Variants in SOS2 observed in about 807,000 individuals in gnomAD.
SOS2 encodes son of sevenless homolog 2.
Under a neutral mutation model 148.2 loss-of-function variants are expected in SOS2, and 65 were observed. The observed-to-expected ratio is 0.44, with a 90% CI of 0.36 to 0.54. The LOEUF (loss-of-function observed/expected upper bound fraction) is 0.54. Among genes scored for constraint, SOS2 ranks in the 20% least tolerant of loss-of-function variants. The pLI is 0.00. For synonymous variants in SOS2, 539 were observed against 537.1 expected, an observed-to-expected ratio of 1.00 and a Z score of -0.05; for missense variants, 1,341 against 1,590.2, an observed-to-expected ratio of 0.84 and a Z score of 2.67.
chr14:50,228,129 C>T (rs987188787), intron 1 of SOS2, among the ~76,000 whole-genome samples: 1 of 150,090 alleles, frequency 6.7e-6, no homozygotes, highest in Admixed American at 6.6e-5. Context: ...GCAACCTCTG[C>T]CTAGCAGGTT....
chr14:50,204,904 CT>C (rs386381336), intron 1 of SOS2, among the ~76,000 whole-genome samples: 3 of 144,220 alleles, frequency 2.1e-5, no homozygotes, highest in Non-Finnish European at 3.1e-5. Flanking sequence ...TTTTTTCTTT[CT>C]TTTTTTTTTT....
chr14:50,143,329 GAAAA>G (rs11455809), intron 16 of SOS2, among the ~76,000 whole-genome samples: 2 of 126,776 alleles, frequency 1.6e-5, no homozygotes, highest in African/African-American at 3.0e-5. Context: ...GACTCTTTAG[GAAAA>G]AAAAAAAAAA....
intron 1 of SOS2, among the ~76,000 whole-genome samples, chr14:50,223,456 C>T (rs1001155838): frequency 5.3e-5 from 8 of 151,990 alleles, no homozygotes; most frequent in Admixed American, 2.0e-4. Flanking sequence ...GGGCAGGTGA[C>T]GAGGTCAACA....
At chr14:50,181,388 C>T (rs569945451) in intron 6 of SOS2, among the ~76,000 whole-genome samples, 206 of 150,296 alleles carry the variant, frequency 1.4e-3, no homozygotes, top group African/African-American at 3.8e-3. Flanking sequence ...GCAGAGGTTG[C>T]AGTAAGACGA....
Position 50,199,653 on chromosome 14 carries a change from G to A in SOS2, c.510+38C>T. The A allele has an allele frequency of 3.2e-6, 4 of 1,242,914 alleles. No individual in the cohort carries two copies. The Middle Eastern group carries it at 5.8e-4, about 180-fold the overall frequency. 77.0% of individuals were successfully genotyped at this position (1,242,914 alleles called of 1,614,324 possible). ...GATTGAGGCAGAAATTAGTATAGTT[G>A]CTATTCAAGTTAAATTTAAATACCT... On this transcript the variant is annotated intron_variant, in intron 4 of 22. Coordinates refer to ENST00000216373, the MANE Select transcript of SOS2 (RefSeq NM_006939.4).
At chr14:50,209,577 G>A (rs1464624887) in intron 1 of SOS2, among the ~76,000 whole-genome samples, 1 of 151,790 alleles carries the variant, frequency 6.6e-6, no homozygotes, top group Admixed American at 6.6e-5. Flanking sequence ...GACCAGTCTG[G>A]GCAACACGGT....
At chr14:50,169,631 C>T (rs1885293681) in intron 8 of SOS2, among the ~76,000 whole-genome samples, 1 of 152,044 alleles carries the variant, frequency 6.6e-6, no homozygotes, top group Non-Finnish European at 1.5e-5. Context: ...CAGAGTGAGA[C>T]CGTGCCTCAA....
chr14:50,201,413 A>G (rs1216287462), intron 2 of SOS2, among the ~76,000 whole-genome samples: 2 of 151,570 alleles, frequency 1.3e-5, no homozygotes, highest in African/African-American at 2.4e-5. Flanking sequence ...GCATGCCTAT[A>G]GTCCCAGCTA....
chr14:50,134,138 T>C lies in SOS2; in HGVS notation c.3060A>G (p.Lys1020=). 1 of 1,556,476 alleles carries C rather than the reference T, an allele frequency of 6.4e-7. No individual in the cohort carries two copies. The highest frequency in any genetic ancestry group is 8.8e-7 in the Non-Finnish European group (1 of 1,130,532). Residue 1020 remains lysine, a synonymous_variant, in exon 19 of 23, where the codon AAA becomes AAG. Transcript: ENST00000216373. ...AAAGACTTACAAATCGAGGTGGCTG[T>C]TTGCAGTTTCGAGGTTCAATTTCTA... ...KSLEIEPRNC[K]QPPRFPRKST... is the part of the protein sequence containing the mutation.
At chr14:50,197,191 T>C (rs1886337751) in intron 4 of SOS2, among the ~76,000 whole-genome samples, 1 of 152,114 alleles carries the variant, frequency 6.6e-6, no homozygotes, top group South Asian at 2.1e-4. Flanking sequence ...TTATGACCCA[T>C]TGAATAAAAT....
At chr14:50,230,779 T>A (rs1010142786) in intron 1 of SOS2, 9 of 442,948 alleles carry the variant, frequency 2.0e-5, no homozygotes, top group African/African-American at 1.7e-4. Context: ...TGGATACCCT[T>A]GACAAGCAAA....
intron 8 of SOS2, among the ~76,000 whole-genome samples, chr14:50,169,762 T>C (rs1380254895): frequency 1.3e-5 from 2 of 152,148 alleles, no homozygotes; most frequent in East Asian, 1.9e-4. Flanking sequence ...CATGGCAATA[T>C]ATATTGTTAC....
chr14:50,215,920 T>C, intron 1 of SOS2, among the ~76,000 whole-genome samples: 1 of 152,216 alleles, frequency 6.6e-6, no homozygotes, highest in East Asian at 1.9e-4. Context: ...GTTCAGTAAT[T>C]AACATTTGAG....
intron 1 of SOS2, among the ~76,000 whole-genome samples, chr14:50,209,098 C>T (rs78295334): frequency 0.22 from 32,851 of 152,082 alleles, 3,926 homozygotes; most frequent in East Asian, 0.45. Flanking sequence ...GGACACCGGT[C>T]TTCTGCCTTC....
At chr14:50,160,384 T>G (rs1373365837) in intron 9 of SOS2, among the ~76,000 whole-genome samples, 1 of 4,694 alleles carries the variant, frequency 2.1e-4, no homozygotes, top group Non-Finnish European at 4.2e-4. Flanking sequence ...CTAATCTTTT[T>G]TTTTTTTTTT....
intron 22 of SOS2, 72 bp from the exon 23 acceptor site, chr14:50,118,925 A>T: frequency 1.0e-6 from 1 of 982,088 alleles, no homozygotes; most frequent in Non-Finnish European, 1.4e-6. Flanking sequence ...AAGTCTGAAA[A>T]ATTCTTACTT....
chr14:50,181,251 A>G (rs1885725760), intron 6 of SOS2, among the ~76,000 whole-genome samples: 1 of 152,332 alleles, frequency 6.6e-6, no homozygotes, highest in East Asian at 1.9e-4. Flanking sequence ...GTTCGAGGCC[A>G]GCCTAGCCAA....
chr14:50,187,433 T>C (rs913472965), intron 5 of SOS2, among the ~76,000 whole-genome samples: 2 of 150,788 alleles, frequency 1.3e-5, no homozygotes, highest in African/African-American at 2.4e-5. Flanking sequence ...CTGCAAGCTC[T>C]GCCTCCCAGG....
intron 7 of SOS2, among the ~76,000 whole-genome samples, chr14:50,176,054 T>C (rs879744290): frequency 2.0e-5 from 3 of 152,186 alleles, no homozygotes; most frequent in Non-Finnish European, 2.9e-5. Flanking sequence ...TATTAAGAGA[T>C]GGGGCCTTTA....
Sources: gnomAD v4.1 joint callset for allele counts (sites outside exome capture counted in the v4.1 genomes callset) on GRCh38, gnomAD v4.1.1 for gene constraint, MANE v1.5 for transcripts, NCBI Gene and HGNC (gene_info 2026-07-23, HGNC 2026-07-21) for gene names.